GRIN3A: variants seen among roughly 807,000 people sequenced by gnomAD.
GRIN3A encodes glutamate receptor ionotropic, NMDA 3A.
A neutral mutation model predicts 92.4 loss-of-function variants in GRIN3A; 47 were observed. The observed-to-expected ratio is 0.51, with a 90% CI of 0.40 to 0.65. The LOEUF is 0.65. Among genes scored for constraint, GRIN3A ranks in the 30% least tolerant of loss-of-function variants. The pLI, the probability that GRIN3A is intolerant of heterozygous loss-of-function variation, is 0.00. For missense variants in GRIN3A, 1,324 were observed against 1,393.1 expected (o/e 0.95, Z 0.79); for synonymous variants, 527 against 540.6 (o/e 0.97, Z 0.35).
intron 1 of GRIN3A, among the ~76,000 whole-genome samples, chr9:101,698,393 G>GA (rs1237001900): frequency 1.3e-5 from 2 of 152,252 alleles, no homozygotes; most frequent in African/African-American, 2.4e-5. Context: ...GACTGACAAA[G>GA]AAAGCAGGGA....
At chr9:101,641,439 T>G (rs1339195204) in intron 3 of GRIN3A, among the ~76,000 whole-genome samples, 1 of 152,200 alleles carries the variant, frequency 6.6e-6, no homozygotes, top group Non-Finnish European at 1.5e-5. Flanking sequence ...ATATACACCA[T>G]GGAATACTAT....
In GRIN3A at chr9:101,572,245, A is replaced by AT. The variant is rs1417802190; in HGVS notation, c.*928dup. The stretch of plus-strand genomic sequence containing the variant: ...TGGCCTAGTGTGTGGTGTGTAGAAC[A>AT]TTTCACCCACAGTGTCACATATTCC... On this transcript the variant is annotated 3_prime_UTR_variant, in exon 9 of 9. Coordinates refer to ENST00000361820, the MANE Select transcript of GRIN3A (RefSeq NM_133445.3). 2.0e-5 allele frequency: 3 copies of AT among 152,556 alleles called. No individual in the cohort carries two copies. Among genetic ancestry groups the AT allele is most frequent in the African/African-American group, 4.8e-5 (2 of 41,414 alleles). 9.5% of individuals were successfully genotyped at this position (152,556 alleles called of 1,614,324 possible).
At chr9:101,639,672 T>G (rs576232287) in intron 3 of GRIN3A, among the ~76,000 whole-genome samples, 1 of 152,350 alleles carries the variant, frequency 6.6e-6, no homozygotes, top group South Asian at 2.1e-4. Context: ...GCATAGGAAC[T>G]TTTAAAATGC....
At chr9:101,656,666 A>G (rs914384534) in intron 3 of GRIN3A, among the ~76,000 whole-genome samples, 2 of 151,952 alleles carry the variant, frequency 1.3e-5, no homozygotes, top group African/African-American at 2.4e-5. Flanking sequence ...CATTTCTGAC[A>G]AGCTCCTGGA....
chr9:101,736,289 T>C (rs1047833736), intron 1 of GRIN3A, among the ~76,000 whole-genome samples: 2 of 152,212 alleles, frequency 1.3e-5, no homozygotes, highest in African/African-American at 2.4e-5. Context: ...GCTTCATAGA[T>C]ACTTTGTGCA....
At chr9:101,701,732 C>T (rs1279128351) in intron 1 of GRIN3A, among the ~76,000 whole-genome samples, 1 of 152,132 alleles carries the variant, frequency 6.6e-6, no homozygotes, top group African/African-American at 2.4e-5. Flanking sequence ...TTCTGCACAG[C>T]AAAAGAAACT....
Position 101,713,384 on chromosome 9 carries a change from T to C in GRIN3A, c.699+23897A>G, listed in dbSNP as rs192146037. On this transcript the variant is annotated intron_variant, in intron 1 of 8. Coordinates refer to ENST00000361820, the MANE Select transcript of GRIN3A (RefSeq NM_133445.3). ...TCAGTGATTCCCAACAAAAAGGGCA[T>C]ATCAGAAACACCTGGGAAATTTGTT... is the stretch of plus-strand genomic sequence containing the variant. Among the ~76,000 whole-genome samples, 572 of 152,284 alleles carry C rather than the reference T, an allele frequency of 3.8e-3. 2 individuals are homozygous for C. The highest frequency in any genetic ancestry group is 5.6e-3 in the Non-Finnish European group (381 of 68,008).
At chr9:101,733,844 G>A (rs962237867) in intron 1 of GRIN3A, among the ~76,000 whole-genome samples, 1 of 152,084 alleles carries the variant, frequency 6.6e-6, no homozygotes, top group Non-Finnish European at 1.5e-5. Context: ...GAAAATAGTA[G>A]TGGGATCACT....
chr9:101,718,143 A>G (rs1212023016), intron 1 of GRIN3A, among the ~76,000 whole-genome samples: 3 of 152,236 alleles, frequency 2.0e-5, no homozygotes, highest in Admixed American at 6.5e-5. Flanking sequence ...AGTTTAACCA[A>G]TAGTCATTGA....
rs550015730 is a variant in GRIN3A at position 101,654,523 on chromosome 9, C to T, written c.2352+15537G>A. Among the ~76,000 whole-genome samples, 14 of 151,632 alleles carry T rather than the reference C, an allele frequency of 9.2e-5. No individual in the cohort carries two copies. In the South Asian group the frequency reaches 2.1e-3, roughly 22 times the overall value. ...TATTTTATACAAATTATTTTCTGAT[C>T]GTTTCCCACTTTTTCCTCTCATATA... On this transcript the variant is annotated intron_variant, in intron 3 of 8. Coordinates refer to ENST00000361820, the MANE Select transcript of GRIN3A (RefSeq NM_133445.3).
intron 2 of GRIN3A, among the ~76,000 whole-genome samples, chr9:101,685,016 A>G (rs906859195): frequency 2.0e-5 from 3 of 152,204 alleles, no homozygotes; most frequent in Admixed American, 6.5e-5. Context: ...TATAAAATAA[A>G]ATATGCATGG....
intron 2 of GRIN3A, among the ~76,000 whole-genome samples, chr9:101,674,526 T>C (rs911447619): frequency 1.6e-4 from 24 of 152,144 alleles, no homozygotes; most frequent in Non-Finnish European, 8.8e-5. Context: ...TTGCAAACTT[T>C]ACTAAGAATG....
Position 101,573,370 on chromosome 9 carries a change from C to T in GRIN3A, c.3152G>A (p.Arg1051Lys). ...CCGCAAGGCAGGGAGCTCTCTTCTC[C>T]TTGGAGGGAGGGGGATGTCCTGGTG... ...RIHQDIPLPP[R>K]RRELPALRTT... The change falls in exon 9 of 9, where the codon AGG (arginine) becomes AAG (lysine). Residue 1051 changes from arginine to lysine, a missense_variant. Physicochemically the swap from Arg to Lys is conservative, Grantham distance 26. Coordinates refer to ENST00000361820, the MANE Select transcript of GRIN3A (RefSeq NM_133445.3). 6.2e-7 allele frequency: 1 copy of T among 1,614,040 alleles called. No individual in the cohort carries two copies. The highest frequency in any genetic ancestry group is 8.5e-7 in the Non-Finnish European group (1 of 1,179,974).
chr9:101,724,489 C>T (rs1055177141), intron 1 of GRIN3A, among the ~76,000 whole-genome samples: 2 of 152,160 alleles, frequency 1.3e-5, no homozygotes, highest in Non-Finnish European at 2.9e-5. Flanking sequence ...TCGCGCCTCT[C>T]CCTCCGCACC....
At chr9:101,587,752 C>T (rs914340251) in intron 6 of GRIN3A, among the ~76,000 whole-genome samples, 4 of 151,944 alleles carry the variant, frequency 2.6e-5, no homozygotes, top group African/African-American at 9.7e-5. Context: ...AATTTTTTTC[C>T]TTAATAAGAG....
At chr9:101,583,554 G>GA (rs1308075413) in intron 6 of GRIN3A, among the ~76,000 whole-genome samples, 1 of 152,138 alleles carries the variant, frequency 6.6e-6, no homozygotes, top group Non-Finnish European at 1.5e-5. Context: ...AAGAAAAGAA[G>GA]GAGTTATGAA....
chr9:101,628,928 T>TAACTATTATCCAATGCTGAGTCATG (rs1382505405), intron 3 of GRIN3A, among the ~76,000 whole-genome samples: 1 of 152,166 alleles, frequency 6.6e-6, no homozygotes, highest in African/African-American at 2.4e-5. Context: ...AATGTTCTCA[T>TAACTATTATCCAATGCTGAGTCATG]CTAGGAGGGA....
chr9:101,574,759 G>A (rs1008876521), intron 8 of GRIN3A, among the ~76,000 whole-genome samples: 3 of 152,180 alleles, frequency 2.0e-5, no homozygotes, highest in African/African-American at 4.8e-5. Context: ...ACATATCAGA[G>A]TGGCAGTTCC....
chr9:101,703,230 C>T (rs983411701), intron 1 of GRIN3A, among the ~76,000 whole-genome samples: 3 of 152,182 alleles, frequency 2.0e-5, no homozygotes, highest in Non-Finnish European at 2.9e-5. Flanking sequence ...AATGATCTGG[C>T]CTTGCTTACT....
Sources: allele counts gnomAD v4.1 joint callset (sites outside exome capture counted in the v4.1 genomes callset), GRCh38; gene constraint gnomAD v4.1.1; transcripts MANE v1.5; gene names NCBI Gene and HGNC (gene_info 2026-07-23, HGNC 2026-07-21).